CDH12: variants seen among roughly 807,000 people sequenced by gnomAD.
CDH12 encodes the protein cadherin-12.
A neutral mutation model predicts 74.1 loss-of-function variants in CDH12; 41 were observed. The observed-to-expected ratio is 0.55, with a 90% CI of 0.43 to 0.72. The LOEUF (loss-of-function observed/expected upper bound fraction) is 0.72. Among genes scored for constraint, CDH12 ranks in the 30% least tolerant of loss-of-function variants. The pLI is 0.00. For missense variants in CDH12, 945 were observed against 977.2 expected (o/e 0.97, Z 0.44); for synonymous variants, 399 against 355.0 (o/e 1.12, Z -1.39).
chr5:22,541,114 T>A (rs888639971), intron 1 of CDH12, among the ~76,000 whole-genome samples: 2 of 152,090 alleles, frequency 1.3e-5, no homozygotes, highest in African/African-American at 4.8e-5. Flanking sequence ...TATGTAAGAG[T>A]CATTTCTTTG....
In CDH12 at chr5:21,816,942, T is replaced by A; in HGVS notation, c.1002+3A>T. ...TCAACTGTCCCAACATTTGTCTATA[T>A]ACCTTTTTCAATTTGATGACTCCCT... is the stretch of plus-strand genomic sequence containing the variant. On this transcript the variant is annotated splice_donor_region_variant and intron_variant, in intron 9 of 14. Coordinates refer to ENST00000382254, the MANE Select transcript of CDH12 (RefSeq NM_004061.5). 6.3e-7 allele frequency: 1 copy of A among 1,590,998 alleles called. No individual in the cohort carries two copies. The highest frequency in any genetic ancestry group is 8.6e-7 in the Non-Finnish European group (1 of 1,164,568).
chr5:21,914,456 T>C (rs908828211), intron 6 of CDH12, among the ~76,000 whole-genome samples: 2 of 152,168 alleles, frequency 1.3e-5, no homozygotes, highest in African/African-American at 4.8e-5. Context: ...ATCCTGTATT[T>C]TATACACATA....
intron 2 of CDH12, among the ~76,000 whole-genome samples, chr5:22,429,097 T>C (rs973038726): frequency 1.3e-4 from 19 of 150,080 alleles, no homozygotes; most frequent in African/African-American, 4.4e-4. Context: ...TATCCCACTT[T>C]TATTCTATTT....
intron 3 of CDH12, among the ~76,000 whole-genome samples, chr5:22,224,046 G>A (rs1321468292): frequency 2.0e-5 from 3 of 151,990 alleles, no homozygotes; most frequent in South Asian, 2.1e-4. Context: ...CTCAATTCTT[G>A]CACACAAGTG....
intron 1 of CDH12, among the ~76,000 whole-genome samples, chr5:22,729,163 G>A (rs145500955): frequency 6.6e-6 from 1 of 151,722 alleles, no homozygotes; most frequent in Non-Finnish European, 1.5e-5. Context: ...AGAAATCAAG[G>A]CAGATCATGG....
intron 5 of CDH12, among the ~76,000 whole-genome samples, chr5:22,042,686 C>A (rs1243844141): frequency 6.6e-6 from 1 of 151,940 alleles, no homozygotes; most frequent in African/African-American, 2.4e-5. Flanking sequence ...AAGAGTTTGA[C>A]ACCAGCCCAG....
intron 1 of CDH12, among the ~76,000 whole-genome samples, chr5:22,788,758 T>A (rs1000281061): frequency 1.3e-5 from 2 of 150,424 alleles, no homozygotes; most frequent in African/African-American, 4.9e-5. Flanking sequence ...TATGTTATAA[T>A]GTATATATTT....
chr5:21,760,823 G>T, intron 12 of CDH12, 148 bp from the exon 13 acceptor site: 6 of 634,124 alleles, frequency 9.5e-6, no homozygotes, highest in Non-Finnish European at 2.8e-6. Flanking sequence ...TACACATAAT[G>T]TTTATAAACA....
intron 5 of CDH12, among the ~76,000 whole-genome samples, chr5:22,020,434 A>G (rs764871794): frequency 7.9e-5 from 12 of 151,902 alleles, no homozygotes; most frequent in Non-Finnish European, 1.5e-4. Context: ...CAAGCCTGTA[A>G]TCTCTGCTAC....
At chr5:22,489,736 C>T (rs1175096287) in intron 2 of CDH12, among the ~76,000 whole-genome samples, 1 of 142,808 alleles carries the variant, frequency 7.0e-6, no homozygotes, top group Non-Finnish European at 1.5e-5. Context: ...CCCTCTGTGG[C>T]CCAGGCTAGA....
Position 22,118,456 on chromosome 5 carries a change from T to A in CDH12, c.-186-39594A>T, listed in dbSNP as rs989405914. Among the ~76,000 whole-genome samples the A allele has an allele frequency of 9.3e-4, 142 of 152,114 alleles. 3 individuals carry two copies. The highest frequency in any genetic ancestry group is 1.8e-4 in the Non-Finnish European group (12 of 68,018). ...CTTGTGACTCTGGCCTAGACTGCTA[T>A]ACACCACTTCATGATTAAAGCATTG... On this transcript the variant is annotated intron_variant, in intron 4 of 14. Transcript: ENST00000382254.
intron 3 of CDH12, among the ~76,000 whole-genome samples, chr5:22,331,932 C>A (rs545924146): frequency 1.2e-4 from 19 of 152,046 alleles, no homozygotes; most frequent in African/African-American, 4.3e-4. Flanking sequence ...AATTAGTGAG[C>A]TTGGAGACAG....
At chr5:21,857,387 GAA>G in intron 6 of CDH12, among the ~76,000 whole-genome samples, 1 of 151,826 alleles carries the variant, frequency 6.6e-6, no homozygotes. Context: ...AGCTCATAGA[GAA>G]AACACTCTTG....
intron 6 of CDH12, among the ~76,000 whole-genome samples, chr5:21,953,422 C>A (rs1176073342): frequency 6.6e-6 from 1 of 152,130 alleles, no homozygotes; most frequent in Non-Finnish European, 1.5e-5. Context: ...ATAGTGTAAC[C>A]CAGGCCTTGG....
chr5:22,580,484 C>T, intron 1 of CDH12: 1 of 492,452 alleles, frequency 2.0e-6, no homozygotes, highest in Admixed American at 2.2e-5. Flanking sequence ...ACAAGTCATA[C>T]TTATGGCTTG....
At chr5:22,223,129 C>T (rs1442738209) in intron 3 of CDH12, among the ~76,000 whole-genome samples, 2 of 151,942 alleles carry the variant, frequency 1.3e-5, no homozygotes, top group African/African-American at 2.4e-5. Flanking sequence ...TCTTTTAGTT[C>T]AGTGTATTTT....
intron 1 of CDH12, among the ~76,000 whole-genome samples, chr5:22,710,679 G>T (rs1169761826): frequency 1.3e-5 from 2 of 152,124 alleles, no homozygotes; most frequent in Non-Finnish European, 2.9e-5. Context: ...TCAATTTCTT[G>T]CAGTCTCCCA....
intron 1 of CDH12, among the ~76,000 whole-genome samples, chr5:22,781,026 C>G (rs924196746): frequency 8.5e-5 from 13 of 152,100 alleles, no homozygotes; most frequent in Non-Finnish European, 1.3e-4. Context: ...AAATGTGACA[C>G]ACTGATGAAA....
At chr5:21,843,397 C>G (rs1404702535) in intron 7 of CDH12, among the ~76,000 whole-genome samples, 1 of 152,242 alleles carries the variant, frequency 6.6e-6, no homozygotes, top group East Asian at 1.9e-4. Flanking sequence ...CTCTACTTAA[C>G]AAACACTGAT....
Sources: allele counts gnomAD v4.1 joint callset (sites outside exome capture counted in the v4.1 genomes callset), GRCh38; gene constraint gnomAD v4.1.1; transcripts MANE v1.5; gene names NCBI Gene and HGNC (gene_info 2026-07-23, HGNC 2026-07-21).